The following FGD5 variants were observed in gnomAD, a reference collection of about 807,000 sequenced individuals.
FGD5 encodes the protein FYVE, RhoGEF and PH domain containing 5.
A neutral mutation model predicts 133.4 loss-of-function variants in FGD5; 28 were observed. The ratio of observed to expected loss-of-function variants is 0.21; its 90% CI spans 0.16 to 0.29. The LOEUF (loss-of-function observed/expected upper bound fraction) is 0.29, where lower values mean the gene tolerates loss of function less well. Ranked by LOEUF, FGD5 falls within the 10% of genes least tolerant of loss-of-function variation. The pLI is 1.00. For missense variants in FGD5, 1,858 were observed against 1,895.2 expected, an observed-to-expected ratio of 0.98 and a Z score of 0.36; for synonymous variants, 810 against 776.5, an observed-to-expected ratio of 1.04 and a Z score of -0.72.
intron 1 of FGD5, among the ~76,000 whole-genome samples, chr3:14,859,560 A>C (rs79985445): frequency 0.019 from 2,804 of 148,290 alleles, 36 homozygotes; most frequent in Non-Finnish European, 0.028. Context: ...ACCTCCCCCC[A>C]AAAAAAAATA....
At chr3:14,835,506 AAAAAGAAAAG>A (rs374249131) in intron 1 of FGD5, among the ~76,000 whole-genome samples, 7,865 of 151,838 alleles carry the variant, frequency 0.052, 219 homozygotes, top group African/African-American at 0.063. Flanking sequence ...TCTCAAAAAA[AAAAAGAAAAG>A]AAAAGAAAAG....
At chr3:14,880,811 T>C in intron 4 of FGD5, 39 bp downstream of exon 4, 1 of 1,606,710 alleles carries the variant, frequency 6.2e-7, no homozygotes, top group Non-Finnish European at 8.5e-7. Context: ...CTAATTGCCC[T>C]TTTACAAGTC....
intron 17 of FGD5, 67 bp downstream of exon 17, chr3:14,924,205 G>A: frequency 6.2e-7 from 1 of 1,608,758 alleles, no homozygotes; most frequent in Non-Finnish European, 8.5e-7. Context: ...ATCCTGGGTA[G>A]ACGGAGTCAG....
intron 13 of FGD5, among the ~76,000 whole-genome samples, chr3:14,919,224 G>A (rs1403960348): frequency 1.3e-5 from 2 of 152,120 alleles, no homozygotes; most frequent in African/African-American, 4.8e-5. Flanking sequence ...CTGCCTTTTT[G>A]CGTTCCTGTC....
At chr3:14,813,239 G>A (rs1486376948) in intron 1 of FGD5, among the ~76,000 whole-genome samples, 3 of 152,206 alleles carry the variant, frequency 2.0e-5, no homozygotes, top group Admixed American at 2.0e-4. Context: ...GGCTCAGAGA[G>A]GCAAAATGAT....
At chr3:14,915,283 G>A (rs546495055) in intron 11 of FGD5, among the ~76,000 whole-genome samples, 1 of 152,350 alleles carries the variant, frequency 6.6e-6, no homozygotes, top group Non-Finnish European at 1.5e-5. Context: ...AGAAGAGCTA[G>A]CTGTGGGAAA....
chr3:14,913,598 C>T (rs554671755), intron 11 of FGD5, among the ~76,000 whole-genome samples: 6 of 152,324 alleles, frequency 3.9e-5, no homozygotes, highest in East Asian at 1.9e-4. Flanking sequence ...AGCAGTGAGG[C>T]GGCAGATGGC....
chr3:14,855,450 C>G (rs1050775198), intron 1 of FGD5, among the ~76,000 whole-genome samples: 3 of 152,164 alleles, frequency 2.0e-5, no homozygotes, highest in Non-Finnish European at 4.4e-5. Context: ...TCCATAGTGG[C>G]TCTACTGATT....
At position 14,884,929 on chromosome 3, in the gene FGD5, C is replaced by T. The variant is rs374997401; in HGVS notation, c.2748+4157C>T. On this transcript the variant is annotated intron_variant, in intron 4 of 19. Coordinates refer to ENST00000285046, the MANE Select transcript of FGD5 (RefSeq NM_152536.4). The stretch of plus-strand genomic sequence containing the variant: ...GCTGGAGGCATTCACTCCCTGGCGC[C>T]GAGGTTATCTACCGCGACATCTAGA... 2.6e-5 allele frequency among the ~76,000 whole-genome samples: 4 copies of T among 152,086 alleles called. No homozygotes were observed. In the South Asian group the frequency reaches 6.2e-4, roughly 24 times the overall value.
intron 1 of FGD5, among the ~76,000 whole-genome samples, chr3:14,854,432 T>TATTTATTTATTGATTG (rs374445929): frequency 9.6e-4 from 137 of 143,446 alleles, no homozygotes; most frequent in African/African-American, 1.4e-3. Context: ...TTTATTTATT[T>TATTTATTTATTGATTG]ATTGAGACGA....
Position 14,819,255 on chromosome 3 carries a change from G to A in FGD5, c.184G>A (p.Asp62Asn), listed in dbSNP as rs773536735. ...SIPKCSESET[D>N]EDYIVVPRVP... ...CCCAAAGTGCTCTGAGTCGGAGACC[G>A]ACGAGGATTACATCGTGGTCCCCAG... The change falls in exon 1 of 20, where the codon GAC becomes AAC. Residue 62 changes from aspartate (D) to asparagine (N), a missense_variant. Asp to Asn is a conservative substitution (Grantham distance 23). This residue lies in a region of FGD5 where 1,824 missense variants were observed against 1,848.9 expected (regional missense o/e 0.99). Transcript: ENST00000285046. This position sits in a 1 kb window ranked among gnomAD's most constrained non-coding sequence, Gnocchi z 4.1. 205 of 1,538,510 alleles carry A rather than the reference G, an allele frequency of 1.3e-4. No homozygotes were observed. The highest frequency in any genetic ancestry group is 1.6e-4 in the Non-Finnish European group (187 of 1,140,928).
At chr3:14,857,640 A>G (rs184652962) in intron 1 of FGD5, among the ~76,000 whole-genome samples, 9 of 152,314 alleles carry the variant, frequency 5.9e-5, no homozygotes, top group Admixed American at 3.9e-4. Flanking sequence ...AAGGTACTGT[A>G]GAGATGGGGG....
chr3:14,920,300 G>A (rs2038649313), intron 13 of FGD5: 1 of 152,124 alleles, frequency 6.6e-6, no homozygotes, highest in African/African-American at 2.4e-5. Flanking sequence ...GCGGTTCTGA[G>A]TGTGAAATGG....
In FGD5 at chr3:14,820,159, C is replaced by T; in HGVS notation, c.1088C>T (p.Ser363Phe). 6.2e-7 allele frequency: 1 copy of T among 1,613,948 alleles called. No individual in the cohort carries two copies. Residue 363 changes from serine (S) to phenylalanine (F), a missense_variant, in exon 1 of 20, where the codon TCT becomes TTT. Transcript: ENST00000285046. ...ESTSFCSESC[S>F]PLSESAKGLE... ...ACCTCTTTTTGCAGCGAGAGCTGTT[C>T]TCCTCTTTCTGAATCAGCGAAAGGT... is the stretch of plus-strand genomic sequence containing the variant.
At chr3:14,829,504 C>T (rs1199520104) in intron 1 of FGD5, among the ~76,000 whole-genome samples, 3 of 152,132 alleles carry the variant, frequency 2.0e-5, no homozygotes, top group Non-Finnish European at 4.4e-5. Context: ...TGTTCTGCCA[C>T]CAGGATGTAC....
intron 2 of FGD5, among the ~76,000 whole-genome samples, chr3:14,871,478 T>A (rs1389909614): frequency 6.6e-6 from 1 of 152,234 alleles, no homozygotes; most frequent in South Asian, 2.1e-4. Flanking sequence ...GAGTCCAACC[T>A]GCATTTTTGA....
intron 2 of FGD5, among the ~76,000 whole-genome samples, chr3:14,872,053 C>T (rs911898318): frequency 6.6e-6 from 1 of 152,202 alleles, no homozygotes; most frequent in Non-Finnish European, 1.5e-5. Context: ...CACGTGTGCT[C>T]ACTTAAGTCT....
intron 4 of FGD5, 185 bp from the exon 5 acceptor site, chr3:14,897,324 G>T: frequency 1.5e-6 from 1 of 663,310 alleles, no homozygotes; most frequent in South Asian, 2.2e-5. Context: ...GCAGCCCTAT[G>T]GTCGCCAGGT....
chr3:14,922,244 C>A lies in FGD5; in HGVS notation c.3670-167C>A. 1 of 1,141,236 alleles carries A rather than the reference C, an allele frequency of 8.8e-7. No homozygotes were observed. The highest frequency in any genetic ancestry group is 1.2e-6 in the Non-Finnish European group (1 of 809,984). The allele number at this position is 1,141,236 out of a possible 1,614,324, so 70.7% of individuals were successfully genotyped here. On this transcript the variant is annotated intron_variant, in intron 14 of 19. Transcript: ENST00000285046. The surrounding 1 kb of genome is among the most constrained non-coding windows in gnomAD (Gnocchi z 4.1). ...TTCTCACAGTCTGGCTGTTTCCCAA[C>A]CAAGGGTGAGCATCCTGGAGGGTGC...
Sources: gnomAD v4.1 joint callset for allele counts (sites outside exome capture counted in the v4.1 genomes callset) on GRCh38, gnomAD v4.1.1 for gene constraint, gnomAD v4.1.1 regional missense constraint, Gnocchi (gnomAD v3.1) non-coding constraint, MANE v1.5 for transcripts, NCBI Gene and HGNC (gene_info 2026-07-23, HGNC 2026-07-21) for gene names.